The following SYNE1 variants were observed in gnomAD, a reference collection of about 807,000 sequenced individuals.
SYNE1 encodes nesprin-1.
SYNE1 carries 616 observed loss-of-function variants against 1,111.0 expected under a neutral mutation model. The observed-to-expected ratio is 0.55, with a 90% confidence interval of 0.52 to 0.59. The LOEUF (loss-of-function observed/expected upper bound fraction) is 0.59, where lower values mean the gene tolerates loss of function less well. Among genes scored for constraint, SYNE1 ranks in the 20% least tolerant of loss-of-function variants. SYNE1 has a pLI of 0.00. For missense variants in SYNE1, 10,006 were observed against 10,417.0 expected, an observed-to-expected ratio of 0.96 and a Z score of 1.72; for synonymous variants, 3,855 against 3,825.8, an observed-to-expected ratio of 1.01 and a Z score of -0.28.
At chr6:152,516,675 C>T (rs2099113561) in intron 6 of SYNE1, among the ~76,000 whole-genome samples, 2 of 152,112 alleles carry the variant, frequency 1.3e-5, no homozygotes, top group Non-Finnish European at 2.9e-5. Context: ...ACCTCCCAGG[C>T]TCAAGAGATC....
chr6:152,417,314 C>T (rs933182724), intron 40 of SYNE1, among the ~76,000 whole-genome samples: 4 of 152,124 alleles, frequency 2.6e-5, no homozygotes, highest in Non-Finnish European at 4.4e-5. Flanking sequence ...CTGGCTAACA[C>T]GGTGAAACCC....
intron 45 of SYNE1, chr6:152,404,993 T>C (rs1434575905): frequency 1.3e-5 from 2 of 152,264 alleles, no homozygotes; most frequent in African/African-American, 4.8e-5. Context: ...TTGTGGACAC[T>C]AGCAAACCTC....
chr6:152,501,264 C>T (rs945536189), intron 10 of SYNE1, among the ~76,000 whole-genome samples: 2 of 151,832 alleles, frequency 1.3e-5, no homozygotes, highest in African/African-American at 2.4e-5. Flanking sequence ...AAAGAATGGT[C>T]ATGTCCGTTG....
At chr6:152,241,527 T>TGTGTGTGTGTGTGTGTGTGAGA (rs59737931) in intron 107 of SYNE1, among the ~76,000 whole-genome samples, 2 of 145,032 alleles carry the variant, frequency 1.4e-5, no homozygotes, top group Non-Finnish European at 3.0e-5. Flanking sequence ...TGTGTGTGTG[T>TGTGTGTGTGTGTGTGTGTGAGA]GTGAAATACG....
In SYNE1 at chr6:152,442,170, C is replaced by T. The variant is rs1350747356; in HGVS notation, c.3913G>A (p.Gly1305Arg). ...TCCTCGTGGCCTCGGTCAGGCAGCC[C>T]CCCTTCTCCCTGCTGCGCCTGCGCG... The part of the protein sequence containing the change: ...QIAQAQQGEG[G>R]LPDRGHEELR... Residue 1305 changes from glycine (G) to arginine (R), a missense_variant, in exon 31 of 146, where the codon GGG becomes AGG. Transcript: ENST00000367255. 6.2e-7 allele frequency: 1 copy of T among 1,613,822 alleles called. No individual in the cohort carries two copies. The highest frequency in any genetic ancestry group is 1.7e-5 in the Admixed American group (1 of 60,026).
intron 11 of SYNE1, among the ~76,000 whole-genome samples, chr6:152,493,178 T>C (rs2098980622): frequency 6.6e-6 from 1 of 152,076 alleles, no homozygotes; most frequent in Admixed American, 6.6e-5. Flanking sequence ...CTAATCATCC[T>C]TACCCTGCTC....
rs2097591222 is a variant in SYNE1, at chr6:152,390,408, C to T, written c.8049G>A (p.Met2683Ile). Residue 2683 changes from methionine to isoleucine, a missense_variant, in exon 53 of 146, where the codon ATG becomes ATA. Met to Ile is a conservative substitution (Grantham distance 10). Transcript: ENST00000367255. Reference sequence around the variant, plus strand: ...AGGCCTGTTCCCCCTTGCCAATGGCCATATTCAACTTAACTTCCCCTTCAC... The same window carrying T: ...AGGCCTGTTCCCCCTTGCCAATGGCTATATTCAACTTAACTTCCCCTTCAC... ...MKGEGEVKLN[M>I]AIGKGEQALR... 8 of 1,613,986 alleles carry T rather than the reference C, an allele frequency of 5.0e-6. No homozygotes were observed. The East Asian group carries it at 1.8e-4, about 36-fold the overall frequency.
chr6:152,213,859 A>G (rs1490883057), intron 122 of SYNE1, 100 bp from the exon 123 acceptor site: 2 of 1,526,936 alleles, frequency 1.3e-6, no homozygotes, highest in Admixed American at 3.5e-5. Context: ...CTCAATTCTA[A>G]TTGAACCACC....
chr6:152,261,991 T>C lies in SYNE1; in HGVS notation c.18972+41A>G, dbSNP rs771325004. 5 of 1,507,346 alleles carry C rather than the reference T, an allele frequency of 3.3e-6. No individual in the cohort carries two copies. In the East Asian group the frequency reaches 1.2e-4, roughly 37 times the overall value. The allele number at this position is 1,507,346 out of a possible 1,614,324, so 93.4% of individuals were successfully genotyped here. A position where few individuals can be genotyped will look rare whatever the true frequency, so the allele number is the denominator to read the frequency against. ...ATAATCCCTCAGCATAAACTCTACA[T>C]CTTTTATATTAGTTAATATATAATG... is the stretch of plus-strand genomic sequence containing the variant. On this transcript the variant is annotated intron_variant, in intron 101 of 145. Transcript: ENST00000367255.
chr6:152,368,929 G>A lies in SYNE1; in HGVS notation c.9807+43C>T, dbSNP rs369223024. 68 of 1,613,360 alleles carry A rather than the reference G, an allele frequency of 4.2e-5. No individual in the cohort carries two copies. The East Asian group carries it at 9.4e-4, about 22-fold the overall frequency. On this transcript the variant is annotated intron_variant, in intron 61 of 145. Coordinates refer to ENST00000367255, the MANE Select transcript of SYNE1 (RefSeq NM_182961.4). ...GAACCTGCTGCAACTCCAATTTTGC[G>A]ACATCAGTATCACACTCACACACAG...
At chr6:152,600,593 T>C (rs1583206158) in intron 3 of SYNE1, among the ~76,000 whole-genome samples, 1 of 152,268 alleles carries the variant, frequency 6.6e-6, no homozygotes, top group African/African-American at 2.4e-5. Flanking sequence ...AAGAAACAAA[T>C]GGATCTGCTG....
intron 2 of SYNE1, among the ~76,000 whole-genome samples, chr6:152,633,281 G>A (rs995749349): frequency 6.6e-6 from 1 of 152,156 alleles, no homozygotes; most frequent in African/African-American, 2.4e-5. Flanking sequence ...TTTTCCAGGG[G>A]AAGGAACTAA....
Position 152,301,977 on chromosome 6 carries a change from G to T in SYNE1, c.17433C>A (p.His5811Gln), listed in dbSNP as rs1293198927. The change falls in exon 92 of 146, where the codon CAC (histidine) becomes CAA (glutamine). Residue 5811 changes from histidine (H) to glutamine (Q), a missense_variant. Around this residue, in one of 7 missense-constraint regions of SYNE1, gnomAD observed 4,955 missense variants for 5,017.2 expected, o/e 0.99. Transcript: ENST00000367255. ...CGGTCACCGTCAGCAGCATGGTGGC[G>T]TGCTTGGCTTTCATCGTCAGCATCT... is the stretch of plus-strand genomic sequence containing the variant. ...KCKMLTMKAKHATMLLTVTEV... is the reference protein window; with the variant it reads ...KCKMLTMKAKQATMLLTVTEV... The T allele has an allele frequency of 6.2e-7, 1 of 1,614,254 alleles. No homozygotes were observed. The highest frequency in any genetic ancestry group is 1.7e-5 in the Admixed American group (1 of 60,034).
chr6:152,221,828 G>A (rs563579625), intron 117 of SYNE1, among the ~76,000 whole-genome samples: 7 of 152,168 alleles, frequency 4.6e-5, no homozygotes, highest in Admixed American at 1.3e-4. Context: ...CACATAGGGT[G>A]CCCTTGTCCA....
At position 152,510,381 on chromosome 6, in the gene SYNE1, A is replaced by C. The variant is rs886061219; in HGVS notation, c.403-10T>G. The C allele has an allele frequency of 6.2e-7, 1 of 1,613,490 alleles. No individual in the cohort carries two copies. On this transcript the variant is annotated splice_polypyrimidine_tract_variant and intron_variant, in intron 7 of 145. Coordinates refer to ENST00000367255, the MANE Select transcript of SYNE1 (RefSeq NM_182961.4). ...TGGTCAACTCTTCAATCTGTTTGTG[A>C]GTTAACAGCCAGCAAAAATATAAGC...
chr6:152,276,768 G>A (rs1396801843), intron 98 of SYNE1, among the ~76,000 whole-genome samples: 1 of 152,048 alleles, frequency 6.6e-6, no homozygotes, highest in Non-Finnish European at 1.5e-5. Context: ...ACAAGAAGGA[G>A]CAGATGATAC....
chr6:152,545,457 G>C (rs887255566), intron 3 of SYNE1, among the ~76,000 whole-genome samples: 11 of 152,138 alleles, frequency 7.2e-5, no homozygotes, highest in African/African-American at 2.7e-4. Flanking sequence ...GTGGGCACCT[G>C]TAATCCCAGC....
intron 3 of SYNE1, among the ~76,000 whole-genome samples, chr6:152,599,194 A>G (rs371314503): frequency 1.3e-4 from 20 of 152,224 alleles, no homozygotes; most frequent in Admixed American, 5.9e-4. Flanking sequence ...ATGATCACCA[A>G]TTTTAAAATG....
At chr6:152,180,333 T>C (rs753043564) in intron 128 of SYNE1, 39 bp from the exon 129 acceptor site, 3 of 1,605,844 alleles carry the variant, frequency 1.9e-6, no homozygotes, top group Admixed American at 1.7e-5. Flanking sequence ...AAAATGATTA[T>C]CAGAGAGAAG....
Sources: allele counts gnomAD v4.1 joint callset (sites outside exome capture counted in the v4.1 genomes callset), GRCh38; gene constraint gnomAD v4.1.1; regional missense constraint gnomAD v4.1.1; transcripts MANE v1.5; gene names NCBI Gene and HGNC (gene_info 2026-07-23, HGNC 2026-07-21).